Variants in PRG2 observed in about 807,000 individuals in gnomAD.
PRG2 encodes the protein proteoglycan 2, pro eosinophil major basic protein.
A neutral mutation model predicts 24.7 loss-of-function variants in PRG2; 23 were observed. The ratio of observed to expected loss-of-function variants is 0.93; its 90% CI spans 0.67 to 1.32. The LOEUF (loss-of-function observed/expected upper bound fraction) is 1.32. Among genes scored for constraint, PRG2 ranks in the 40% most tolerant of loss-of-function variants. The pLI, the probability that PRG2 is intolerant of heterozygous loss-of-function variation, is 0.00. For synonymous variants in PRG2, 104 were observed against 99.8 expected, an observed-to-expected ratio of 1.04 and a Z score of -0.25; for missense variants, 271 against 280.9, an observed-to-expected ratio of 0.96 and a Z score of 0.25.
chr11:57,389,417 C>T (rs886313362), intron 2 of PRG2, 100 bp from the exon 3 acceptor site: 3 of 1,302,998 alleles, frequency 2.3e-6, no homozygotes, highest in African/African-American at 3.0e-5. Context: ...TCAGAGTGCT[C>T]AACTCTGCCT....
intron 1 of PRG2, chr11:57,390,370 C>T (rs750593867): frequency 7.7e-4 from 124 of 161,560 alleles, no homozygotes; most frequent in Middle Eastern, 3.2e-3. Context: ...CCACCCACAC[C>T]CTCCTCCATG....
intron 4 of PRG2, among the ~76,000 whole-genome samples, 186 bp from the exon 5 acceptor site, chr11:57,388,051 T>C (rs1254118307): frequency 6.6e-6 from 1 of 152,224 alleles, no homozygotes; most frequent in East Asian, 1.9e-4. Context: ...TCAGATTCTA[T>C]GCATCCCAGT....
In PRG2 at chr11:57,389,053, C is replaced by T. The variant is rs146040085; in HGVS notation, c.323G>A (p.Arg108His). The change falls in exon 3 of 6, where the codon CGC becomes CAC. Residue 108 changes from arginine to histidine, a missense_variant. Transcript: ENST00000311862. ...CTGAAGACTTCTCACCAGGAGGTAG[C>T]GGCAGGTCTGGCACCCAGGGATGCC... ...VVGIPGCQTC[R>H]YLLVRSLQTF... The T allele has an allele frequency of 3.4e-5, 55 of 1,614,168 alleles. No individual in the cohort carries two copies. Among genetic ancestry groups the T allele is most frequent in the South Asian group, 1.9e-4 (17 of 91,090 alleles).
intron 3 of PRG2, 33 bp downstream of exon 3, chr11:57,388,977 C>T (rs760466750): frequency 1.3e-6 from 2 of 1,599,776 alleles, no homozygotes; most frequent in Admixed American, 3.4e-5. Flanking sequence ...CCGTTCCATG[C>T]TCCCACCTCA....
chr11:57,389,677 G>T (rs1323843447), intron 2 of PRG2, among the ~76,000 whole-genome samples: 1 of 152,180 alleles, frequency 6.6e-6, no homozygotes, highest in East Asian at 1.9e-4. Context: ...ACAAAATTGG[G>T]AATGTCACAG....
chr11:57,389,369 C>T, intron 2 of PRG2, 52 bp from the exon 3 acceptor site: 1 of 1,554,674 alleles, frequency 6.4e-7, no homozygotes, highest in East Asian at 2.2e-5. Context: ...CCTTGTTCCT[C>T]CCCAGAACCA....
Position 57,386,939 on chromosome 11 carries a change from T to C in PRG2, c.*536A>G, listed in dbSNP as rs1013544881. ...CAATACATGTTAGATTTATTCCACT[T>C]GAGGGGCCGGGGATTGCGGTACTTA... On this transcript the variant is annotated 3_prime_UTR_variant, in exon 6 of 6. Coordinates refer to ENST00000311862, the MANE Select transcript of PRG2 (RefSeq NM_002728.6). The C allele has an allele frequency of 1.3e-5, 2 of 152,258 alleles. No individual in the cohort carries two copies. Among genetic ancestry groups the C allele is most frequent in the Non-Finnish European group, 2.9e-5 (2 of 68,098 alleles). The allele number at this position is 152,258 out of a possible 1,614,324, so 9.4% of individuals were successfully genotyped here. A position where few individuals can be genotyped will look rare whatever the true frequency, so the allele number is the denominator to read the frequency against.
chr11:57,389,168 T>A lies in PRG2; in HGVS notation c.208A>T (p.Lys70Ter). 6.2e-7 allele frequency: 1 copy of A among 1,614,150 alleles called. No homozygotes were observed. Among genetic ancestry groups the A allele is most frequent in the Non-Finnish European group, 8.5e-7 (1 of 1,180,034 alleles). ...GAGATAGACTCAACAGCCCCATCTT[T>A]CTTGGAGGCATCTTCACTTCCAGAG... ...WGSGSEDASK[K>*]DGAVESISVP... Residue 70 changes from lysine to a stop codon, truncating the protein, a stop_gained, in exon 3 of 6, where the codon AAA becomes TAA. Transcript: ENST00000311862. LOFTEE classifies it high-confidence loss of function.
rs527809575 is a variant in PRG2 at position 57,386,811 on chromosome 11, A to C, written c.*664T>G. ...ACAAGTGTTTATTTGGGAGTTGCAG[A>C]GAGTAGGAAGGAGCAGAGAATGCAG... On this transcript the variant is annotated 3_prime_UTR_variant, in exon 6 of 6. Transcript: ENST00000311862. The C allele has an allele frequency of 5.9e-5, 9 of 152,292 alleles. No homozygotes were observed. The highest frequency in any genetic ancestry group is 1.9e-4 in the African/African-American group (8 of 41,540). 9.4% of individuals were successfully genotyped at this position (152,292 alleles called of 1,614,324 possible).
In PRG2 at chr11:57,388,675, C is replaced by T; in HGVS notation, c.400G>A (p.Val134Ile). The T allele has an allele frequency of 6.2e-7, 1 of 1,614,066 alleles. No individual in the cohort carries two copies. Among genetic ancestry groups the T allele is most frequent in the South Asian group, 1.1e-5 (1 of 91,074 alleles). The change falls in exon 4 of 6, where the codon GTT becomes ATT. Residue 134 changes from valine (V) to isoleucine (I), a missense_variant. Transcript: ENST00000311862. ...TTAATATTGAAGTTGTGGATGGAAACCAGGTTGCCCCTGTAGCACCTCCGG... is the reference window on the plus strand; with the variant it reads ...TTAATATTGAAGTTGTGGATGGAAATCAGGTTGCCCCTGTAGCACCTCCGG... ...TCRRCYRGNL[V>I]SIHNFNINYR...
In PRG2 at chr11:57,387,512, T is replaced by G. The variant is rs752536772; in HGVS notation, c.632A>C (p.His211Pro). The G allele has an allele frequency of 6.2e-7, 1 of 1,613,890 alleles. No individual in the cohort carries two copies. The highest frequency in any genetic ancestry group is 8.5e-7 in the Non-Finnish European group (1 of 1,179,916). ...GATGAAAGGAAGTCTTCTGAGGCAG[T>G]GGGCTCGACGCCAGTGGCCTCCTGT... is the stretch of plus-strand genomic sequence containing the variant. ...CTRGGHWRRAHCLRRLPFICS... is the reference protein window; with the variant it reads ...CTRGGHWRRAPCLRRLPFICS... The change falls in exon 6 of 6, where the codon CAC (histidine) becomes CCC (proline). Residue 211 changes from histidine to proline, a missense_variant. Coordinates refer to ENST00000311862, the MANE Select transcript of PRG2 (RefSeq NM_002728.6).
chr11:57,388,504 A>T, intron 4 of PRG2, 73 bp downstream of exon 4: 4 of 1,587,406 alleles, frequency 2.5e-6, no homozygotes, highest in Non-Finnish European at 2.6e-6. Flanking sequence ...AGAAAAACAG[A>T]CAAATCTGAT....
chr11:57,389,390 A>C, intron 2 of PRG2, 73 bp from the exon 3 acceptor site: 1,105 of 1,469,318 alleles, frequency 7.5e-4, no homozygotes, highest in Non-Finnish European at 9.2e-4. Context: ...CAGACAGCTC[A>C]CACCTTGCCC....
At chr11:57,390,212 A>G (rs762921892) in intron 1 of PRG2, among the ~76,000 whole-genome samples, 71 of 152,200 alleles carry the variant, frequency 4.7e-4, no homozygotes, top group Non-Finnish European at 9.6e-4. Context: ...GCCCGGAAGT[A>G]AAGAAGGGAC....
intron 4 of PRG2, 124 bp from the exon 5 acceptor site, chr11:57,387,989 G>C (rs748679764): frequency 1.5e-6 from 1 of 651,200 alleles, no homozygotes. Flanking sequence ...GCTGGACCAT[G>C]ATGGGAACTG....
Position 57,386,854 on chromosome 11 carries a change from G to A in PRG2, c.*621C>T, listed in dbSNP as rs1437061623. 2.0e-5 allele frequency: 3 copies of A among 152,202 alleles called. No homozygotes were observed. Among genetic ancestry groups the A allele is most frequent in the Non-Finnish European group, 4.4e-5 (3 of 68,076 alleles). The allele number at this position is 152,202 out of a possible 1,614,324, so 9.4% of individuals were successfully genotyped here. On this transcript the variant is annotated 3_prime_UTR_variant, in exon 6 of 6. Coordinates refer to ENST00000311862, the MANE Select transcript of PRG2 (RefSeq NM_002728.6). ...GAATGCAGTTGAGGAAGGGAAGGCA[G>A]CCCATAAAAATGCATGGAATAAGGC...
rs1418600166 is a variant in PRG2 at position 57,387,524 on chromosome 11, C to G, written c.620G>C (p.Trp207Ser). The G allele has an allele frequency of 6.2e-7, 1 of 1,613,642 alleles. No individual in the cohort carries two copies. Among genetic ancestry groups the G allele is most frequent in the Non-Finnish European group, 8.5e-7 (1 of 1,179,812 alleles). Residue 207 changes from tryptophan (W) to serine (S), a missense_variant, in exon 6 of 6, where the codon TGG becomes TCG. Transcript: ENST00000311862. ...TCTTCTGAGGCAGTGGGCTCGACGC[C>G]AGTGGCCTCCTGTGAAGGCAGAACA... ...CVALCTRGGHWRRAHCLRRLP... is the reference protein window; with the variant it reads ...CVALCTRGGHSRRAHCLRRLP...
chr11:57,388,915 C>T, intron 3 of PRG2, 95 bp downstream of exon 3: 1 of 1,499,662 alleles, frequency 6.7e-7, no homozygotes, highest in Non-Finnish European at 9.0e-7. Flanking sequence ...CCCCCAGGGC[C>T]CTCAATGGGA....
At chr11:57,389,338 G>T (rs1438555961) in intron 2 of PRG2, 21 bp from the exon 3 acceptor site, 6 of 1,601,496 alleles carry the variant, frequency 3.7e-6, no homozygotes, top group Non-Finnish European at 5.1e-6. Flanking sequence ...GGATAGCTAA[G>T]TGTCCTTCCT....
Sources: allele counts gnomAD v4.1 joint callset (sites outside exome capture counted in the v4.1 genomes callset), GRCh38; gene constraint gnomAD v4.1.1; transcripts MANE v1.5; gene names NCBI Gene and HGNC (gene_info 2026-07-23, HGNC 2026-07-21).